The following ADGRV1 variants were observed in gnomAD, a reference collection of about 807,000 sequenced individuals.
The protein encoded by ADGRV1 is adhesion G protein-coupled receptor V1, also known as G-protein coupled receptor 98.
In ADGRV1, 359 loss-of-function variants were observed where a neutral mutation model predicts 596.2. That is an observed-to-expected ratio of 0.60 (90% CI 0.55 to 0.66). The LOEUF is 0.66. ADGRV1 is among the 30% of genes least tolerant of loss of function. The pLI, the probability that ADGRV1 is intolerant of heterozygous loss-of-function variation, is 0.00. For missense variants in ADGRV1, 7,274 were observed against 7,575.6 expected (o/e 0.96, Z 1.48); for synonymous variants, 2,681 against 2,679.2 (o/e 1.00, Z -0.02).
chr5:90,873,006 A>G (rs1191163487), intron 83 of ADGRV1, among the ~76,000 whole-genome samples: 1 of 152,200 alleles, frequency 6.6e-6, no homozygotes, highest in East Asian at 1.9e-4. Flanking sequence ...ATTTACATTG[A>G]CCTAAACCCC....
intron 76 of ADGRV1, 77 bp downstream of exon 76, chr5:90,823,673 G>A (rs1203149394): frequency 7.8e-7 from 1 of 1,281,488 alleles, no homozygotes; most frequent in African/African-American, 1.5e-5. Flanking sequence ...AACCACTATT[G>A]AAACTTACAC....
intron 86 of ADGRV1, among the ~76,000 whole-genome samples, chr5:91,079,128 A>C (rs896622597): frequency 2.0e-5 from 3 of 152,198 alleles, no homozygotes; most frequent in African/African-American, 7.2e-5. Context: ...AATGACCAAC[A>C]TTACAGGTTT....
intron 84 of ADGRV1, among the ~76,000 whole-genome samples, chr5:90,982,455 A>C (rs1402161512): frequency 2.6e-5 from 4 of 152,252 alleles, no homozygotes; most frequent in Admixed American, 6.5e-5. Context: ...AAAGCAATAC[A>C]TTAATACATC....
At position 90,887,055 on chromosome 5, in the gene ADGRV1, C is replaced by T. The variant is rs988692326; in HGVS notation, c.17856+23198C>T. On this transcript the variant is annotated intron_variant, in intron 83 of 89. Transcript: ENST00000405460. ...AGTGTCATCTTTTAAAGATGTCATGCGTGTCCTCTATTGATACCCTTTTAC... is the reference window on the plus strand; with the variant it reads ...AGTGTCATCTTTTAAAGATGTCATGTGTGTCCTCTATTGATACCCTTTTAC... Among the ~76,000 whole-genome samples, 8 of 152,248 alleles carry T rather than the reference C, an allele frequency of 5.3e-5. 1 individual carries two copies. Among genetic ancestry groups the T allele is most frequent in the South Asian group, 2.1e-4 (1 of 4,824 alleles).
intron 83 of ADGRV1, among the ~76,000 whole-genome samples, chr5:90,910,551 T>TTATCTATC (rs58713482): frequency 0.023 from 3,448 of 147,158 alleles, 40 homozygotes; most frequent in East Asian, 0.042. Context: ...TATATATATA[T>TTATCTATC]TATCTATCTA....
chr5:90,884,431 G>A (rs1447908350), intron 83 of ADGRV1, among the ~76,000 whole-genome samples: 1 of 152,114 alleles, frequency 6.6e-6, no homozygotes, highest in East Asian at 1.9e-4. Context: ...ACTTTAGGAT[G>A]CTGGTTTTAA....
intron 34 of ADGRV1, among the ~76,000 whole-genome samples, chr5:90,703,301 A>G (rs893297009): frequency 6.6e-6 from 1 of 152,098 alleles, no homozygotes; most frequent in East Asian, 1.9e-4. Context: ...TTGAAAAGTG[A>G]AGGAAGAATT....
At chr5:91,085,467 G>A (rs904482418) in intron 86 of ADGRV1, among the ~76,000 whole-genome samples, 2 of 152,154 alleles carry the variant, frequency 1.3e-5, no homozygotes, top group African/African-American at 4.8e-5. Flanking sequence ...CTGCCCTGAA[G>A]TCTGTGTTTT....
rs768954928 is a variant in ADGRV1, at chr5:90,720,973, T to C, written c.9662T>C (p.Val3221Ala). 6 of 1,612,272 alleles carry C rather than the reference T, an allele frequency of 3.7e-6. No individual in the cohort carries two copies. The East Asian group carries it at 1.1e-4, about 30-fold the overall frequency. The stretch of plus-strand genomic sequence containing the variant: ...GACATCGAAGAAGCCAATAGGACCG[T>C]GTATTTAAATGTATCTCGAACTAAT... ...SIDIEEANRT[V>A]YLNVSRTNGI... Residue 3221 changes from valine (V) to alanine (A), a missense_variant, in exon 45 of 90, where the codon GTG (valine) becomes GCG (alanine). Val to Ala is a moderately conservative substitution (Grantham distance 64). Transcript: ENST00000405460.
At chr5:90,624,543 C>A (rs868291465) in intron 5 of ADGRV1, among the ~76,000 whole-genome samples, 1 of 152,220 alleles carries the variant, frequency 6.6e-6, no homozygotes, top group South Asian at 2.1e-4. Flanking sequence ...CCCTCCCTGG[C>A]ACTTGATCTC....
intron 86 of ADGRV1, among the ~76,000 whole-genome samples, chr5:91,096,573 C>A (rs115126751): frequency 1.3e-5 from 2 of 152,096 alleles, no homozygotes; most frequent in Non-Finnish European, 2.9e-5. Flanking sequence ...TTTTCACATT[C>A]GTGACTCCTT....
At chr5:90,784,676 AG>A (rs1759228678) in intron 67 of ADGRV1, among the ~76,000 whole-genome samples, 1 of 152,154 alleles carries the variant, frequency 6.6e-6, no homozygotes, top group Non-Finnish European at 1.5e-5. Context: ...AGGGGATAAC[AG>A]CACAGGATAG....
At chr5:90,650,319 AT>A (rs1461310673) in intron 17 of ADGRV1, among the ~76,000 whole-genome samples, 2 of 152,250 alleles carry the variant, frequency 1.3e-5, no homozygotes, top group Admixed American at 6.5e-5. Context: ...GACATGTTTC[AT>A]TACAAATGCA....
chr5:90,811,142 T>G lies in ADGRV1; in HGVS notation c.15882T>G (p.Phe5294Leu). 6.2e-7 allele frequency: 1 copy of G among 1,613,878 alleles called. No homozygotes were observed. The highest frequency in any genetic ancestry group is 8.5e-7 in the Non-Finnish European group (1 of 1,179,830). Residue 5294 changes from phenylalanine (F) to leucine (L), a missense_variant, in exon 74 of 90, where the codon TTT becomes TTG. Coordinates refer to ENST00000405460, the MANE Select transcript of ADGRV1 (RefSeq NM_032119.4). ...NLTWAVEEED[F>L]EEQTLTLIFL... ...CATGGGCAGTTGAAGAAGAAGACTT[T>G]GAAGAACAAACTCTTACCCTTATAT...
rs777874127 is a variant in ADGRV1 at position 90,672,684 on chromosome 5, A to G, written c.4891A>G (p.Ser1631Gly). ...CCTTGTTGATGACTTTGCTAATGCC[A>G]GTGGAACTATTACATTCCTTCCTTG... ...NYLVDDFANA[S>G]GTITFLPWQR... The change falls in exon 22 of 90, where the codon AGT (serine) becomes GGT (glycine). Residue 1631 changes from serine (S) to glycine (G), a missense_variant. Transcript: ENST00000405460. 13 of 1,613,520 alleles carry G rather than the reference A, an allele frequency of 8.1e-6. No individual in the cohort carries two copies. In the African/African-American group the frequency reaches 9.3e-5, roughly 12 times the overall value.
chr5:90,657,611 C>CT (rs1037410896), intron 20 of ADGRV1, among the ~76,000 whole-genome samples: 1 of 151,792 alleles, frequency 6.6e-6, no homozygotes, highest in East Asian at 1.9e-4. Flanking sequence ...TGTTCAGATA[C>CT]TTTTTTTTCT....
chr5:91,049,996 C>T (rs922519530), intron 85 of ADGRV1, among the ~76,000 whole-genome samples: 4 of 152,182 alleles, frequency 2.6e-5, no homozygotes, highest in Non-Finnish European at 5.9e-5. Flanking sequence ...TGACATGAGT[C>T]ATGTGCGGGC....
intron 42 of ADGRV1, among the ~76,000 whole-genome samples, chr5:90,713,337 A>G (rs753398249): frequency 2.6e-4 from 37 of 141,352 alleles, no homozygotes; most frequent in Non-Finnish European, 5.1e-4. Flanking sequence ...AGTCCCCAGA[A>G]GCCTTTTTTT....
At chr5:90,597,697 C>G (rs1000507861) in intron 1 of ADGRV1, among the ~76,000 whole-genome samples, 1 of 150,760 alleles carries the variant, frequency 6.6e-6, no homozygotes, top group Non-Finnish European at 1.5e-5. Flanking sequence ...AGAGTGCATT[C>G]GTGGGATGAG....
Sources: allele counts gnomAD v4.1 joint callset (sites outside exome capture counted in the v4.1 genomes callset), GRCh38; gene constraint gnomAD v4.1.1; transcripts MANE v1.5; gene names NCBI Gene and HGNC (gene_info 2026-07-23, HGNC 2026-07-21).